Variants in ALPK1 observed in about 807,000 individuals in gnomAD.
ALPK1 encodes the protein alpha kinase 1.
In ALPK1, 110 loss-of-function variants were observed where a neutral mutation model predicts 120.6. The ratio of observed to expected loss-of-function variants is 0.91; its 90% CI spans 0.78 to 1.07. The LOEUF is 1.07. Ranked by LOEUF, ALPK1 falls within the 50% of genes least tolerant of loss-of-function variation. The pLI is 0.00. For missense variants in ALPK1, 1,498 were observed against 1,483.9 expected (o/e 1.01, Z -0.16); for synonymous variants, 582 against 560.3 (o/e 1.04, Z -0.55).
chr4:112,422,428 T>G (rs1734040488), intron 5 of ALPK1, among the ~76,000 whole-genome samples: 1 of 152,170 alleles, frequency 6.6e-6, no homozygotes, highest in Non-Finnish European at 1.5e-5. Flanking sequence ...CTGGTTACAT[T>G]TTGCTACATT....
intron 1 of ALPK1, among the ~76,000 whole-genome samples, chr4:112,313,123 G>A (rs1235450436): frequency 2.6e-5 from 4 of 152,220 alleles, no homozygotes. Context: ...GAAGTTTAAG[G>A]TGAAGTTTGG....
intron 10 of ALPK1, among the ~76,000 whole-genome samples, chr4:112,429,963 C>CA (rs1225705964): frequency 6.6e-6 from 1 of 151,736 alleles, no homozygotes; most frequent in Non-Finnish European, 1.5e-5. Flanking sequence ...GGTTGGTATC[C>CA]AAAAATCTTT....
chr4:112,411,373 T>C lies in ALPK1; in HGVS notation c.277-454T>C, dbSNP rs190161846. Among the ~76,000 whole-genome samples, 936 of 152,218 alleles carry C rather than the reference T, an allele frequency of 6.1e-3. 5 individuals are homozygous for C. The highest frequency in any genetic ancestry group is 0.021 in the African/African-American group (881 of 41,542). ...CCGAGTAGCTGGGACTACAGGCGCA[T>C]GCCACCACACCCAGCTAATTTTTGT... On this transcript the variant is annotated intron_variant, in intron 4 of 15. Transcript: ENST00000650871.
At chr4:112,333,806 G>C (rs1729493129) in intron 2 of ALPK1, among the ~76,000 whole-genome samples, 1 of 152,106 alleles carries the variant, frequency 6.6e-6, no homozygotes, top group Non-Finnish European at 1.5e-5. Flanking sequence ...GGTGTAACTT[G>C]GTTAGACTCT....
chr4:112,316,002 T>C (rs543672299), intron 2 of ALPK1, 150 bp downstream of exon 2: 1 of 152,346 alleles, frequency 6.6e-6, no homozygotes, highest in African/African-American at 2.4e-5. Flanking sequence ...TTCCTTCTGA[T>C]TATTCTTCAA....
chr4:112,324,001 C>CA (rs1338518455), intron 2 of ALPK1, among the ~76,000 whole-genome samples: 2 of 152,172 alleles, frequency 1.3e-5, no homozygotes, highest in Non-Finnish European at 2.9e-5. Flanking sequence ...AGCCAAGGAA[C>CA]ACTGGGCTTA....
In ALPK1 at chr4:112,411,811, C is replaced by T; in HGVS notation, c.277-16C>T. ...CGTTTCCGCCTGGCTCACGATGTTC[C>T]ACGCTGTTCCTCCAGGCGTCCCTGA... On this transcript the variant is annotated splice_polypyrimidine_tract_variant and intron_variant, in intron 4 of 15. Transcript: ENST00000650871. 6.2e-7 allele frequency: 1 copy of T among 1,600,382 alleles called. No homozygotes were observed. The highest frequency in any genetic ancestry group is 8.5e-7 in the Non-Finnish European group (1 of 1,173,838).
intron 4 of ALPK1, 169 bp from the exon 5 acceptor site, chr4:112,411,658 A>C (rs534825549): frequency 1.6e-6 from 1 of 633,820 alleles, no homozygotes; most frequent in Admixed American, 2.9e-5. Context: ...TGCACAATTG[A>C]ACTGGACTTT....
At position 112,339,543 on chromosome 4, in the gene ALPK1, AT is replaced by A. The variant is rs368370064; in HGVS notation, c.-101+23692del. Reference sequence around the variant, plus strand: ...TTTATAACACTTTTCTTTTAAAAAAATAATTTAAACATTATTAAAGGAATGT... The same window carrying A: ...TTTATAACACTTTTCTTTTAAAAAAAAATTTAAACATTATTAAAGGAATGT... On this transcript the variant is annotated intron_variant, in intron 2 of 15. Transcript: ENST00000650871. Among the ~76,000 whole-genome samples the A allele has an allele frequency of 5.8e-3, 881 of 152,376 alleles. 11 individuals are homozygous for A. The highest frequency in any genetic ancestry group is 0.027 in the Middle Eastern group (8 of 294).
At chr4:112,356,930 A>AC (rs1297799090) in intron 2 of ALPK1, 9 of 757,934 alleles carry the variant, frequency 1.2e-5, no homozygotes, top group Admixed American at 3.4e-5. Context: ...CTTTGACCTG[A>AC]CCCCCCATGA....
intron 12 of ALPK1, among the ~76,000 whole-genome samples, chr4:112,437,406 G>C (rs1226154762): frequency 6.6e-6 from 1 of 152,174 alleles, no homozygotes; most frequent in African/African-American, 2.4e-5. Flanking sequence ...ATGGACTTCT[G>C]TTCTCAGATT....
chr4:112,324,591 C>G (rs1047944592), intron 2 of ALPK1, among the ~76,000 whole-genome samples: 2 of 152,184 alleles, frequency 1.3e-5, no homozygotes, highest in Non-Finnish European at 2.9e-5. Context: ...AATCCTCCCT[C>G]TCAGCATCCT....
At chr4:112,330,207 A>G (rs1338012534) in intron 2 of ALPK1, among the ~76,000 whole-genome samples, 1 of 152,214 alleles carries the variant, frequency 6.6e-6, no homozygotes, top group Non-Finnish European at 1.5e-5. Flanking sequence ...TACATCTTTC[A>G]TTAGTTAGTA....
In ALPK1 at chr4:112,432,095, A is replaced by G. The variant is rs916042399; in HGVS notation, c.2548A>G (p.Thr850Ala). ...AEQGIDPDAS[T>A]VDEEGQLLDS... ...GCAGGGCATCGACCCTGATGCCTCC[A>G]CAGTGGATGAGGAGGGGCAACTGCT... The change falls in exon 11 of 16, where the codon ACA becomes GCA. Residue 850 changes from threonine to alanine, a missense_variant. Thr to Ala is a moderately conservative substitution (Grantham distance 58). Coordinates refer to ENST00000650871, the MANE Select transcript of ALPK1 (RefSeq NM_025144.4). 12 of 1,614,062 alleles carry G rather than the reference A, an allele frequency of 7.4e-6. No homozygotes were observed. Among genetic ancestry groups the G allele is most frequent in the Admixed American group, 1.7e-5 (1 of 60,010 alleles).
At chr4:112,377,930 AC>A (rs1273219375) in intron 3 of ALPK1, 32 bp downstream of exon 3, 1 of 1,580,240 alleles carries the variant, frequency 6.3e-7, no homozygotes, top group East Asian at 2.3e-5. Flanking sequence ...CCAGGGGTGA[AC>A]CAGCAGGTTC....
chr4:112,441,068 T>A lies in ALPK1; in HGVS notation c.3690T>A (p.His1230Gln). ...ATGTGGAATGTAATGAAATCTGCCA[T>A]CGTCTTTCTTTGACTAGACCTTCAA... is the stretch of plus-strand genomic sequence containing the variant. The part of the protein sequence containing the change: ...NQHVECNEIC[H>Q]RLSLTRPSME... Residue 1230 changes from histidine to glutamine, a missense_variant, in exon 15 of 16, where the codon CAT (histidine) becomes CAA (glutamine). Physicochemically the swap from His to Gln is conservative, Grantham distance 24. Coordinates refer to ENST00000650871, the MANE Select transcript of ALPK1 (RefSeq NM_025144.4). 6.2e-7 allele frequency: 1 copy of A among 1,613,946 alleles called. No homozygotes were observed. Among genetic ancestry groups the A allele is most frequent in the South Asian group, 1.1e-5 (1 of 91,074 alleles).
At chr4:112,400,969 T>C (rs1226280724) in intron 4 of ALPK1, among the ~76,000 whole-genome samples, 1 of 152,168 alleles carries the variant, frequency 6.6e-6, no homozygotes, top group Non-Finnish European at 1.5e-5. Flanking sequence ...GGAAAGAGCC[T>C]GGAAGATCAG....
intron 2 of ALPK1, among the ~76,000 whole-genome samples, chr4:112,367,907 T>A (rs1034020705): frequency 3.9e-5 from 6 of 152,236 alleles, no homozygotes; most frequent in African/African-American, 1.4e-4. Flanking sequence ...GCTAATTATT[T>A]TTTTTTCTTT....
Position 112,344,763 on chromosome 4 carries a change from G to GA in ALPK1, c.-101+28912dup, listed in dbSNP as rs796401675. Among the ~76,000 whole-genome samples the GA allele has an allele frequency of 3.9e-5, 6 of 152,282 alleles. No individual in the cohort carries two copies. The South Asian group carries it at 1.2e-3, about 32-fold the overall frequency. On this transcript the variant is annotated intron_variant, in intron 2 of 15. Coordinates refer to ENST00000650871, the MANE Select transcript of ALPK1 (RefSeq NM_025144.4). Reference sequence around the variant, plus strand: ...TCAACTTTCTCATCTCTAAAGTGGGGATCATAAAGCCAATATCACAAAGTT... The same window carrying GA: ...TCAACTTTCTCATCTCTAAAGTGGGGAATCATAAAGCCAATATCACAAAGTT...
Sources: gnomAD v4.1 joint callset for allele counts (sites outside exome capture counted in the v4.1 genomes callset) on GRCh38, gnomAD v4.1.1 for gene constraint, MANE v1.5 for transcripts, NCBI Gene and HGNC (gene_info 2026-07-23, HGNC 2026-07-21) for gene names.